SELP: variants seen among roughly 807,000 people sequenced by gnomAD.
SELP encodes the protein selectin P, also known as P-selectin.
In SELP, 92 loss-of-function variants were observed where a neutral mutation model predicts 104.1. The ratio of observed to expected loss-of-function variants is 0.88; its 90% CI spans 0.75 to 1.05. SELP has a LOEUF of 1.05. Among genes scored for constraint, SELP ranks in the 50% least tolerant of loss-of-function variants. The probability of loss-of-function intolerance (pLI) is 0.00; values close to 1 mark genes in which losing one functional copy is unlikely to be tolerated. For missense variants in SELP, 1,022 were observed against 1,017.3 expected, an observed-to-expected ratio of 1.00 and a Z score of -0.06; for synonymous variants, 397 against 364.5, an observed-to-expected ratio of 1.09 and a Z score of -1.01.
chr1:169,592,181 G>A (rs1179678655), intron 14 of SELP, among the ~76,000 whole-genome samples: 5 of 152,128 alleles, frequency 3.3e-5, no homozygotes, highest in Non-Finnish European at 7.3e-5. Flanking sequence ...TTGCATGGAG[G>A]GATTCACTGT....
intron 2 of SELP, 146 bp from the exon 3 acceptor site, chr1:169,617,560 G>T: frequency 1.2e-6 from 1 of 819,662 alleles, no homozygotes; most frequent in Non-Finnish European, 1.9e-6. Context: ...TAATGTAGTT[G>T]TTTGAAGGAA....
chr1:169,601,006 G>A (rs1359935831), intron 10 of SELP, among the ~76,000 whole-genome samples: 1 of 152,194 alleles, frequency 6.6e-6, no homozygotes, highest in African/African-American at 2.4e-5. Flanking sequence ...AGTAGTGAAG[G>A]GAAGCAAGGG....
In SELP at chr1:169,613,108, T is replaced by A; in HGVS notation, c.596A>T (p.Glu199Val). 1 of 1,595,842 alleles carries A rather than the reference T, an allele frequency of 6.3e-7. No homozygotes were observed. Among genetic ancestry groups the A allele is most frequent in the Non-Finnish European group, 8.6e-7 (1 of 1,169,386 alleles). The change falls in exon 5 of 17, where the codon GAG becomes GTG. Residue 199 changes from glutamate to valine, a missense_variant. Transcript: ENST00000263686. Reference sequence around the variant, plus strand: ...TTGAGGGAGCTCAAGTTCTCCACACTCTCTCACTGCAGGAGACAAAATAGT... The same window carrying A: ...TTGAGGGAGCTCAAGTTCTCCACACACTCTCACTGCAGGAGACAAAATAGT... ...FYGPECEYVR[E>V]CGELELPQHV...
At position 169,595,990 on chromosome 1, in the gene SELP, A is replaced by G. The variant is rs967684249; in HGVS notation, c.2036T>C (p.Ile679Thr). The part of the protein sequence containing the change: ...YFGCNAGFTL[I>T]GDSTLSCRPS... ...TCTGCAGCTGAGAGTGCTGTCTCCTATGAGTGTGAATCCAGCGTTGCAGCC... is the reference window on the plus strand; with the variant it reads ...TCTGCAGCTGAGAGTGCTGTCTCCTGTGAGTGTGAATCCAGCGTTGCAGCC... Residue 679 changes from isoleucine (I) to threonine (T), a missense_variant, in exon 12 of 17, where the codon ATA becomes ACA. Transcript: ENST00000263686. The G allele has an allele frequency of 8.7e-6, 14 of 1,613,752 alleles. No individual in the cohort carries two copies. In the Admixed American group the frequency reaches 1.0e-4, roughly 12 times the overall value.
chr1:169,624,958 T>C (rs1361151429), intron 1 of SELP, among the ~76,000 whole-genome samples: 1 of 152,210 alleles, frequency 6.6e-6, no homozygotes, highest in Non-Finnish European at 1.5e-5. Flanking sequence ...TTGTCTACAT[T>C]GTAGACCACA....
At chr1:169,591,615 T>C in intron 14 of SELP, 159 bp from the exon 15 acceptor site, 1 of 486,448 alleles carries the variant, frequency 2.1e-6, no homozygotes, top group Admixed American at 4.2e-5. Flanking sequence ...CCCTGAAAGG[T>C]AGAAAGTGTT....
In SELP at chr1:169,617,254, G is replaced by T; in HGVS notation, c.255C>A (p.Tyr85Ter). ...EIDYLNKVLP[Y>*]YSSYYWIGIR... Reference sequence around the variant, plus strand: ...TCCCAATCCAGTAGTAGGAGCTGTAGTAGGGTAGGACCTTATTGAGGTAAT... The same window carrying T: ...TCCCAATCCAGTAGTAGGAGCTGTATTAGGGTAGGACCTTATTGAGGTAAT... The change falls in exon 3 of 17, where the codon TAC becomes TAA. Residue 85 changes from tyrosine (Y) to a stop codon, truncating the protein, a stop_gained. Transcript: ENST00000263686. LOFTEE classifies it high-confidence loss of function. 9 of 1,614,166 alleles carry T rather than the reference G, an allele frequency of 5.6e-6. No homozygotes were observed. The highest frequency in any genetic ancestry group is 7.6e-6 in the Non-Finnish European group (9 of 1,180,028).
intron 9 of SELP, 94 bp from the exon 10 acceptor site, chr1:169,603,305 C>CTT: frequency 1.5e-6 from 1 of 646,782 alleles, no homozygotes; most frequent in South Asian, 2.2e-5. Flanking sequence ...CCCTCTCTCT[C>CTT]TCTGTGTGTG....
Position 169,597,022 on chromosome 1 carries a change from T to C in SELP, c.1860A>G (p.Gly620=). 6.2e-7 allele frequency: 1 copy of C among 1,612,980 alleles called. No individual in the cohort carries two copies. The highest frequency in any genetic ancestry group is 8.5e-7 in the Non-Finnish European group (1 of 1,179,414). ...GPNNVECTTS[G]RWSATPPTCK... is the part of the protein sequence containing the mutation. ...AGGTTGGTGGAGTAGCTGACCATCT[T>C]CCAGAAGTTGTGCATTCCACATTAT... The change falls in exon 11 of 17, where the codon GGA becomes GGG. Residue 620 remains glycine, a synonymous_variant. Transcript: ENST00000263686.
chr1:169,613,135 A>AT, intron 4 of SELP, 21 bp from the exon 5 acceptor site: 1 of 1,556,670 alleles, frequency 6.4e-7, no homozygotes, highest in South Asian at 1.2e-5. Context: ...CAAAATAGTG[A>AT]TTTTTATTTT....
intron 10 of SELP, among the ~76,000 whole-genome samples, chr1:169,600,343 G>A (rs556883278): frequency 8.5e-5 from 13 of 152,320 alleles, no homozygotes; most frequent in African/African-American, 2.4e-4. Flanking sequence ...GGTATTATAC[G>A]TAATCTAAAG....
intron 11 of SELP, among the ~76,000 whole-genome samples, chr1:169,596,635 C>A (rs981428787): frequency 6.6e-6 from 1 of 152,214 alleles, no homozygotes; most frequent in African/African-American, 2.4e-5. Context: ...TGATGATTGA[C>A]CTCTCTGCAC....
At chr1:169,591,526 G>C in intron 14 of SELP, 70 bp from the exon 15 acceptor site, 1 of 1,144,704 alleles carries the variant, frequency 8.7e-7, no homozygotes, top group South Asian at 1.5e-5. Flanking sequence ...GGGTCATTAA[G>C]GATAGAAATT....
chr1:169,597,065 A>C lies in SELP; in HGVS notation c.1817T>G (p.Phe606Cys). 1.9e-6 allele frequency: 3 copies of C among 1,613,424 alleles called. 1 individual carries two copies. The highest frequency in any genetic ancestry group is 2.7e-5 in the African/African-American group (2 of 74,846). Residue 606 changes from phenylalanine (F) to cysteine (C), a missense_variant, in exon 11 of 17, where the codon TTT (phenylalanine) becomes TGT (cysteine). Physicochemically the swap from Phe to Cys is radical, Grantham distance 205 (BLOSUM62 -2). Coordinates refer to ENST00000263686, the MANE Select transcript of SELP (RefSeq NM_003005.4). ...STCHFSCDNG[F>C]KLEGPNNVEC... ...CACATTATTGGGCCCCTCCAGCTTA[A>C]AGCCGTTGTCACAAGAGAAATGGCA...
chr1:169,599,358 C>CAAAAA (rs3035293), intron 10 of SELP, among the ~76,000 whole-genome samples: 2 of 143,318 alleles, frequency 1.4e-5, no homozygotes, highest in African/African-American at 5.1e-5. Context: ...AAAACTTTGG[C>CAAAAA]AAAAAAAAAA....
In SELP at chr1:169,619,129, C is replaced by A. The variant is rs775647623; in HGVS notation, c.94G>T (p.Glu32Ter). ...AGTGAAAAGTTAGCATAAAGTTTAC[C>A]AGAGATCAGGGCACTGAAGCAAAGG... is the stretch of plus-strand genomic sequence containing the variant. ...QLLCFSALIS[E>*]LTNQKEVAAW... is the part of the protein sequence containing the mutation. Residue 32 changes from glutamate (E) to a stop codon, truncating the protein, a stop_gained and splice_region_variant, in exon 2 of 17, where the codon GAA (glutamate) becomes TAA (stop). Coordinates refer to ENST00000263686, the MANE Select transcript of SELP (RefSeq NM_003005.4). LOFTEE classifies it high-confidence loss of function. 7.4e-6 allele frequency: 12 copies of A among 1,611,408 alleles called. No homozygotes were observed. Among genetic ancestry groups the A allele is most frequent in the Admixed American group, 5.0e-5 (3 of 59,976 alleles).
At chr1:169,592,068 TG>T (rs1309833317) in intron 14 of SELP, among the ~76,000 whole-genome samples, 1 of 152,154 alleles carries the variant, frequency 6.6e-6, no homozygotes, top group Non-Finnish European at 1.5e-5. Flanking sequence ...AGAAAGGACT[TG>T]GGGGAAACAT....
chr1:169,603,170 T>C lies in SELP; in HGVS notation c.1561A>G (p.Met521Val). Residue 521 changes from methionine to valine, a missense_variant, in exon 10 of 17, where the codon ATG becomes GTG. Transcript: ENST00000263686. ...TPLLSPQNGT[M>V]TCVQPLGSSS... Reference sequence around the variant, plus strand: ...CTTCCAAGAGGTTGAACACAGGTCATTGTTCCATTCTGAGGGCTTAGCAAA... The same window carrying C: ...CTTCCAAGAGGTTGAACACAGGTCACTGTTCCATTCTGAGGGCTTAGCAAA... 1.2e-6 allele frequency: 2 copies of C among 1,614,062 alleles called. No homozygotes were observed. Among genetic ancestry groups the C allele is most frequent in the Non-Finnish European group, 8.5e-7 (1 of 1,179,960 alleles).
chr1:169,627,124 G>C (rs1469452565), intron 1 of SELP, among the ~76,000 whole-genome samples: 4 of 152,184 alleles, frequency 2.6e-5, no homozygotes, highest in African/African-American at 9.7e-5. Flanking sequence ...GTGAATATGA[G>C]AGTTGTTGAG....
Sources: allele counts gnomAD v4.1 joint callset (sites outside exome capture counted in the v4.1 genomes callset), GRCh38; gene constraint gnomAD v4.1.1; transcripts MANE v1.5; gene names NCBI Gene and HGNC (gene_info 2026-07-23, HGNC 2026-07-21).